The following TFCP2 variants were observed in gnomAD, a reference collection of about 807,000 sequenced individuals.
TFCP2 encodes the protein transcription factor CP2.
Under a neutral mutation model 73.4 loss-of-function variants are expected in TFCP2, and 33 were observed. The ratio of observed to expected loss-of-function variants is 0.45; its 90% CI spans 0.34 to 0.60. The LOEUF (loss-of-function observed/expected upper bound fraction) is 0.60, where lower values mean the gene tolerates loss of function less well. Among genes scored for constraint, TFCP2 ranks in the 20% least tolerant of loss-of-function variants. The pLI is 0.01. For synonymous variants in TFCP2, 193 were observed against 211.6 expected, an observed-to-expected ratio of 0.91 and a Z score of 0.76; for missense variants, 352 against 604.0, an observed-to-expected ratio of 0.58 and a Z score of 4.37.
chr12:51,171,588 C>T (rs1184173573), intron 1 of TFCP2, among the ~76,000 whole-genome samples: 2 of 151,908 alleles, frequency 1.3e-5, no homozygotes, highest in African/African-American at 2.4e-5. Flanking sequence ...ACGTTGGCCA[C>T]GATGGTCTCG....
chr12:51,155,975 C>T (rs1040177784), intron 1 of TFCP2, among the ~76,000 whole-genome samples: 58 of 151,714 alleles, frequency 3.8e-4, no homozygotes, highest in African/African-American at 1.3e-3. Flanking sequence ...CCAGGAGGCC[C>T]AGGCTGCAGT....
Position 51,099,675 on chromosome 12 carries a change from T to G in TFCP2, c.1256A>C (p.Asp419Ala), listed in dbSNP as rs1940061179. Residue 419 changes from aspartate to alanine, a missense_variant, in exon 12 of 15, where the codon GAC (aspartate) becomes GCC (alanine). Transcript: ENST00000257915. ...QQQQQKHEDG[D>A]SNGTFFVYHA... is the part of the protein sequence containing the mutation. ...CCTACCGAAGAAAGTACCATTTGAG[T>G]CTCCATCCTCATGCTTCTGCTGCTG... 6.2e-7 allele frequency: 1 copy of G among 1,614,022 alleles called. No individual in the cohort carries two copies. Among genetic ancestry groups the G allele is most frequent in the Non-Finnish European group, 8.5e-7 (1 of 1,180,040 alleles).
In TFCP2 at chr12:51,101,883, C is replaced by T. The variant is rs371286892; in HGVS notation, c.1151+52G>A. 64 of 1,207,546 alleles carry T rather than the reference C, an allele frequency of 5.3e-5. No homozygotes were observed. In the African/African-American group the frequency reaches 9.0e-4, roughly 17 times the overall value. The allele number at this position is 1,207,546 out of a possible 1,614,324, so 74.8% of individuals were successfully genotyped here. A position where few individuals can be genotyped will look rare whatever the true frequency, so the allele number is the denominator to read the frequency against. On this transcript the variant is annotated intron_variant, in intron 11 of 14. Coordinates refer to ENST00000257915, the MANE Select transcript of TFCP2 (RefSeq NM_005653.5). ...GAGTATTGTGAAGAATTCCTGAATC[C>T]AAATCCATTTGGAATCCCAACCTTA...
intron 1 of TFCP2, among the ~76,000 whole-genome samples, chr12:51,128,478 TA>T (rs11324129): frequency 0.78 from 106,675 of 137,314 alleles, 40,303 homozygotes; most frequent in Admixed American, 0.82. Context: ...AGTATAATAA[TA>T]AAAAAAAAAA....
intron 4 of TFCP2, among the ~76,000 whole-genome samples, chr12:51,115,011 A>AT (rs1301235934): frequency 8.0e-6 from 1 of 125,786 alleles, no homozygotes; most frequent in African/African-American, 2.9e-5. Flanking sequence ...TGGTGAGTTG[A>AT]TATCGCGCCA....
chr12:51,124,511 G>C (rs1375774959), intron 1 of TFCP2: 1 of 388,736 alleles, frequency 2.6e-6, no homozygotes, highest in Non-Finnish European at 5.0e-6. Flanking sequence ...CTGGGGTAGG[G>C]GGGTAAGGCA....
At chr12:51,166,417 GA>G (rs957434200) in intron 1 of TFCP2, among the ~76,000 whole-genome samples, 26 of 151,748 alleles carry the variant, frequency 1.7e-4, no homozygotes, top group East Asian at 7.7e-4. Context: ...AAAAAGGAAA[GA>G]AAAAAAAGAT....
At chr12:51,125,033 G>A (rs1438874397) in intron 1 of TFCP2, 1 of 742,062 alleles carries the variant, frequency 1.3e-6, no homozygotes, top group African/African-American at 1.7e-5. Context: ...CCACTGACTT[G>A]AGGATCTCGG....
At chr12:51,113,851 T>C (rs60910794) in intron 4 of TFCP2, among the ~76,000 whole-genome samples, 1 of 152,042 alleles carries the variant, frequency 6.6e-6, no homozygotes, top group Non-Finnish European at 1.5e-5. Flanking sequence ...GGTATCCACA[T>C]GCAAAAGAAT....
chr12:51,124,783 G>T (rs1940769173), intron 1 of TFCP2: 2 of 820,308 alleles, frequency 2.4e-6, no homozygotes, highest in Admixed American at 1.7e-5. Flanking sequence ...TTTTTCTGCT[G>T]CTCAGCCTTT....
intron 1 of TFCP2, among the ~76,000 whole-genome samples, chr12:51,145,718 G>A (rs2137022176): frequency 6.6e-6 from 1 of 151,930 alleles, no homozygotes; most frequent in African/African-American, 2.4e-5. Flanking sequence ...GGTAGGTCAA[G>A]GTGGGAGAAC....
At chr12:51,131,179 CA>C (rs1940937146) in intron 1 of TFCP2, among the ~76,000 whole-genome samples, 1 of 141,732 alleles carries the variant, frequency 7.1e-6, no homozygotes, top group Non-Finnish European at 1.5e-5. Context: ...AAAAAAAAAA[CA>C]AAAAATTAGC....
At chr12:51,160,013 A>C (rs1002066919) in intron 1 of TFCP2, among the ~76,000 whole-genome samples, 1 of 151,282 alleles carries the variant, frequency 6.6e-6, no homozygotes, top group African/African-American at 2.4e-5. Context: ...ATTTCAATAA[A>C]CTCCAGAGTT....
chr12:51,094,012 AT>A lies in TFCP2; in HGVS notation c.*1228del, dbSNP rs1342542221. ...ACACACACACACACACACACACACAATCATTCTTAAGGAAGAACAAAAACAT... is the reference window on the plus strand; with the variant it reads ...ACACACACACACACACACACACACAACATTCTTAAGGAAGAACAAAAACAT... On this transcript the variant is annotated 3_prime_UTR_variant, in exon 15 of 15. Transcript: ENST00000257915. 6.7e-6 allele frequency: 1 copy of A among 149,510 alleles called. No homozygotes were observed. Among genetic ancestry groups the A allele is most frequent in the Non-Finnish European group, 1.5e-5 (1 of 67,608 alleles). The allele number at this position is 149,510 out of a possible 1,614,324, so 9.3% of individuals were successfully genotyped here. A position where few individuals can be genotyped will look rare whatever the true frequency, so the allele number is the denominator to read the frequency against.
chr12:51,153,425 A>G (rs1195133195), intron 1 of TFCP2, among the ~76,000 whole-genome samples: 1 of 151,662 alleles, frequency 6.6e-6, no homozygotes, highest in Non-Finnish European at 1.5e-5. Context: ...TTTGTTGTCT[A>G]TATCAATGCT....
intron 4 of TFCP2, among the ~76,000 whole-genome samples, chr12:51,111,521 C>A (rs1314566882): frequency 1.3e-5 from 2 of 152,056 alleles, no homozygotes; most frequent in African/African-American, 4.8e-5. Flanking sequence ...TGCTTGAGCA[C>A]CTTTTTTCCT....
chr12:51,111,060 T>A, intron 4 of TFCP2, 77 bp from the exon 5 acceptor site: 3 of 985,834 alleles, frequency 3.0e-6, no homozygotes, highest in Non-Finnish European at 3.2e-6. Context: ...GATTCTTATA[T>A]TACTCAATGT....
intron 11 of TFCP2, among the ~76,000 whole-genome samples, chr12:51,100,322 G>A (rs1940079303): frequency 6.6e-6 from 1 of 152,054 alleles, no homozygotes; most frequent in African/African-American, 2.4e-5. Flanking sequence ...ACTAGCCTAA[G>A]TCCTTTCTCT....
chr12:51,134,505 T>G (rs1941019113), intron 1 of TFCP2, among the ~76,000 whole-genome samples: 1 of 152,112 alleles, frequency 6.6e-6, no homozygotes, highest in Admixed American at 6.6e-5. Flanking sequence ...ACGCTGGTCT[T>G]AAACTTGTGA....
Sources: allele counts gnomAD v4.1 joint callset (sites outside exome capture counted in the v4.1 genomes callset), GRCh38; gene constraint gnomAD v4.1.1; transcripts MANE v1.5; gene names NCBI Gene and HGNC (gene_info 2026-07-23, HGNC 2026-07-21).